Variants in CCDC138 observed in about 807,000 individuals in gnomAD.
CCDC138 encodes coiled-coil domain containing 138.
CCDC138 carries 66 observed loss-of-function variants against 82.3 expected under a neutral mutation model. The ratio of observed to expected loss-of-function variants is 0.80; its 90% CI spans 0.66 to 0.98. The LOEUF (loss-of-function observed/expected upper bound fraction) is 0.98, where lower values mean the gene tolerates loss of function less well. CCDC138 is among the 50% of genes least tolerant of loss of function. The pLI, the probability that CCDC138 is intolerant of heterozygous loss-of-function variation, is 0.00. For synonymous variants in CCDC138, 297 were observed against 265.4 expected, an observed-to-expected ratio of 1.12 and a Z score of -1.16; for missense variants, 816 against 758.9, an observed-to-expected ratio of 1.08 and a Z score of -0.88.
intron 13 of CCDC138, among the ~76,000 whole-genome samples, chr2:108,867,604 C>T (rs1489963795): frequency 2.0e-5 from 3 of 151,990 alleles, no homozygotes; most frequent in Non-Finnish European, 4.4e-5. Flanking sequence ...TCACACCATT[C>T]CTCCTTCCAA....
rs192197663 is a variant in CCDC138, at chr2:108,790,657, C to T, written c.267-1018C>T. 2.5e-4 allele frequency among the ~76,000 whole-genome samples: 38 copies of T among 152,210 alleles called. No individual in the cohort carries two copies. The East Asian group carries it at 3.5e-3, about 14-fold the overall frequency. Reference sequence around the variant, plus strand: ...CAGAGGTTGCAGTGAGCCGAGATCGCGCCACTGCACTGCAACCTGGGTGAC... The same window carrying T: ...CAGAGGTTGCAGTGAGCCGAGATCGTGCCACTGCACTGCAACCTGGGTGAC... On this transcript the variant is annotated intron_variant, in intron 3 of 14. Transcript: ENST00000295124.
chr2:108,853,305 A>C (rs1468618574), intron 12 of CCDC138, among the ~76,000 whole-genome samples: 1 of 152,176 alleles, frequency 6.6e-6, no homozygotes, highest in East Asian at 1.9e-4. Flanking sequence ...GGGTCAGTCT[A>C]ATATAATTGA....
chr2:108,852,384 A>G lies in CCDC138; in HGVS notation c.1517-4410A>G, dbSNP rs530213726. Among the ~76,000 whole-genome samples the G allele has an allele frequency of 4.7e-4, 72 of 152,274 alleles. 1 individual carries two copies. Among genetic ancestry groups the G allele is most frequent in the African/African-American group, 1.7e-3 (69 of 41,562 alleles). On this transcript the variant is annotated intron_variant, in intron 12 of 14. Transcript: ENST00000295124. ...CTAAAGACAAATGCCATTCAACCCA[A>G]CAATCCCATTACTGGGTATATACCC... is the stretch of plus-strand genomic sequence containing the variant.
Position 108,788,013 on chromosome 2 carries a change from C to G in CCDC138, c.94-19C>G, listed in dbSNP as rs748630938. ...TTGATTTTTAGTATACAAATTAAATCTTTTCTTTTTTTTTTTAGTATGATT... is the reference window on the plus strand; with the variant it reads ...TTGATTTTTAGTATACAAATTAAATGTTTTCTTTTTTTTTTTAGTATGATT... On this transcript the variant is annotated intron_variant, in intron 1 of 14. Transcript: ENST00000295124. 3 of 1,452,018 alleles carry G rather than the reference C, an allele frequency of 2.1e-6. No individual in the cohort carries two copies. Among genetic ancestry groups the G allele is most frequent in the African/African-American group, 1.6e-5 (1 of 63,058 alleles). 89.9% of individuals were successfully genotyped at this position (1,452,018 alleles called of 1,614,324 possible).
chr2:108,874,754 C>T (rs1302723816), intron 14 of CCDC138, among the ~76,000 whole-genome samples: 1 of 152,104 alleles, frequency 6.6e-6, no homozygotes, highest in Non-Finnish European at 1.5e-5. Context: ...GACCAAGTTA[C>T]TAGCGCTGAA....
intron 12 of CCDC138, among the ~76,000 whole-genome samples, chr2:108,853,725 C>T (rs1691927686): frequency 6.8e-6 from 1 of 147,636 alleles, no homozygotes; most frequent in East Asian, 2.0e-4. Context: ...GAGCTCTTGC[C>T]ATGTTGCCCA....
At chr2:108,829,744 A>AATAC (rs1687234730) in intron 10 of CCDC138, among the ~76,000 whole-genome samples, 1 of 152,168 alleles carries the variant, frequency 6.6e-6, no homozygotes, top group South Asian at 2.1e-4. Context: ...AGACTGTGTC[A>AATAC]ATACATACAT....
intron 10 of CCDC138, among the ~76,000 whole-genome samples, chr2:108,824,984 G>A (rs1686317111): frequency 6.6e-6 from 1 of 152,118 alleles, no homozygotes; most frequent in African/African-American, 2.4e-5. Flanking sequence ...GTTTCAGAGG[G>A]AACTCTTTCA....
At chr2:108,796,042 A>G (rs542146720) in intron 5 of CCDC138, among the ~76,000 whole-genome samples, 86 of 152,174 alleles carry the variant, frequency 5.7e-4, no homozygotes, top group African/African-American at 2.0e-3. Context: ...TCTATAGTTT[A>G]TTTTTATTTA....
intron 2 of CCDC138, 113 bp downstream of exon 2, chr2:108,788,202 T>G: frequency 2.0e-6 from 2 of 1,024,202 alleles, no homozygotes; most frequent in Non-Finnish European, 2.8e-6. Flanking sequence ...GCGAATCACC[T>G]GAGGTCAGGA....
chr2:108,826,461 T>A (rs1686610533), intron 10 of CCDC138, among the ~76,000 whole-genome samples: 1 of 152,162 alleles, frequency 6.6e-6, no homozygotes, highest in Non-Finnish European at 1.5e-5. Context: ...GTAACCTCAT[T>A]TTTTACCTGT....
intron 3 of CCDC138, 157 bp from the exon 4 acceptor site, chr2:108,791,518 T>C (rs556765320): frequency 1.2e-6 from 1 of 817,130 alleles, no homozygotes; most frequent in Admixed American, 2.0e-5. Context: ...ACTGTTAGTT[T>C]TTACGTTTTT....
intron 9 of CCDC138, among the ~76,000 whole-genome samples, chr2:108,814,900 T>A (rs1456408515): frequency 6.6e-6 from 1 of 152,166 alleles, no homozygotes; most frequent in East Asian, 1.9e-4. Flanking sequence ...CCTCCCAAAG[T>A]GCTGGGATTA....
chr2:108,787,007 C>A, intron 1 of CCDC138, 92 bp downstream of exon 1: 1 of 811,796 alleles, frequency 1.2e-6, no homozygotes, highest in East Asian at 3.6e-5. Flanking sequence ...GGGCGCGCAG[C>A]GGCTCTGGTC....
intron 12 of CCDC138, among the ~76,000 whole-genome samples, chr2:108,854,075 A>ATTTTATATAAT (rs1692216335): frequency 1.6e-5 from 2 of 123,972 alleles, no homozygotes; most frequent in African/African-American, 6.8e-5. Context: ...TTTTATATAT[A>ATTTTATATAAT]ATATAATAAA....
intron 10 of CCDC138, 39 bp downstream of exon 10, chr2:108,816,144 T>G: frequency 6.7e-7 from 1 of 1,491,210 alleles, no homozygotes; most frequent in Non-Finnish European, 9.2e-7. Flanking sequence ...TCAGAATATA[T>G]GAAGATTAAA....
intron 3 of CCDC138, 129 bp from the exon 4 acceptor site, chr2:108,791,546 A>G (rs1484539053): frequency 9.2e-7 from 1 of 1,089,568 alleles, no homozygotes; most frequent in African/African-American, 1.6e-5. Flanking sequence ...ACATGTTTAC[A>G]TTTTGCAGTT....
chr2:108,824,118 G>A (rs768094113), intron 10 of CCDC138, among the ~76,000 whole-genome samples: 13 of 151,984 alleles, frequency 8.6e-5, no homozygotes, highest in Non-Finnish European at 1.8e-4. Flanking sequence ...GCAGGCTACA[G>A]TAAATTTTAT....
At chr2:108,807,167 C>T (rs1432163023) in intron 7 of CCDC138, among the ~76,000 whole-genome samples, 1 of 151,906 alleles carries the variant, frequency 6.6e-6, no homozygotes, top group Non-Finnish European at 1.5e-5. Flanking sequence ...TGCGAGTGAT[C>T]CAGATATTGG....
Sources: gnomAD v4.1 joint callset for allele counts (sites outside exome capture counted in the v4.1 genomes callset) on GRCh38, gnomAD v4.1.1 for gene constraint, MANE v1.5 for transcripts, NCBI Gene and HGNC (gene_info 2026-07-23, HGNC 2026-07-21) for gene names.